Variants in MLPH observed in about 807,000 individuals in gnomAD.
The protein encoded by MLPH is melanophilin.
MLPH carries 51 observed loss-of-function variants against 72.1 expected under a neutral mutation model. That is an observed-to-expected ratio of 0.71 (90% confidence interval 0.56 to 0.89). MLPH has a LOEUF of 0.89. Ranked by LOEUF, MLPH falls within the 40% of genes least tolerant of loss-of-function variation. The pLI is 0.00. For synonymous variants in MLPH, 301 were observed against 310.1 expected (o/e 0.97, Z 0.31); for missense variants, 743 against 759.9 (o/e 0.98, Z 0.26).
intron 2 of MLPH, among the ~76,000 whole-genome samples, chr2:237,503,883 A>C (rs1574841689): frequency 1.3e-5 from 2 of 152,160 alleles, no homozygotes; most frequent in African/African-American, 4.8e-5. Flanking sequence ...GTGAGGCTAT[A>C]CAGAAATGGG....
intron 6 of MLPH, among the ~76,000 whole-genome samples, chr2:237,523,546 A>G (rs556934491): frequency 6.6e-6 from 1 of 152,330 alleles, no homozygotes; most frequent in African/African-American, 2.4e-5. Context: ...TGTTAGGTCC[A>G]CAATCTAATG....
intron 12 of MLPH, among the ~76,000 whole-genome samples, chr2:237,546,219 A>G (rs569070660): frequency 3.9e-5 from 6 of 152,260 alleles, no homozygotes; most frequent in Admixed American, 2.0e-4. Flanking sequence ...CTGCATTTTT[A>G]CAGAAGCGAT....
chr2:237,537,186 G>A (rs1350482911), intron 9 of MLPH, among the ~76,000 whole-genome samples: 2 of 152,186 alleles, frequency 1.3e-5, no homozygotes, highest in African/African-American at 2.4e-5. Context: ...GCTGTGTCCC[G>A]CCATGCTGGT....
chr2:237,540,555 C>A (rs752278983), intron 10 of MLPH, 22 bp downstream of exon 10: 48 of 1,603,808 alleles, frequency 3.0e-5, no homozygotes, highest in Non-Finnish European at 3.8e-5. Flanking sequence ...CCCCAGAGGT[C>A]TCAGCAGGAC....
At position 237,511,035 on chromosome 2, in the gene MLPH, G is replaced by A. The variant is rs1049210772; in HGVS notation, c.379G>A (p.Ala127Thr). 4 of 1,613,914 alleles carry A rather than the reference G, an allele frequency of 2.5e-6. No individual in the cohort carries two copies. In the African/African-American group the frequency reaches 4.0e-5, roughly 16 times the overall value. ...GGAGTGGTACTATGAGCATGTGAAA[G>A]CCCGCTTCAAGAGGTTCGGAAGTGC... ...SLEWYYEHVKARFKRFGSAKV... is the reference protein window; with the variant it reads ...SLEWYYEHVKTRFKRFGSAKV... Residue 127 changes from alanine (A) to threonine (T), a missense_variant, in exon 4 of 16, where the codon GCC (alanine) becomes ACC (threonine). Ala to Thr is a moderately conservative substitution (Grantham distance 58). Transcript: ENST00000264605.
chr2:237,519,058 C>G (rs1045343409), intron 5 of MLPH, among the ~76,000 whole-genome samples: 1 of 150,184 alleles, frequency 6.7e-6, no homozygotes, highest in African/African-American at 2.5e-5. Context: ...AAGACCTTTT[C>G]TCCTTCTGGG....
At position 237,540,391 on chromosome 2, in the gene MLPH, A is replaced by G; in HGVS notation, c.1148A>G (p.Glu383Gly). The change falls in exon 10 of 16, where the codon GAG becomes GGG. Residue 383 changes from glutamate (E) to glycine (G), a missense_variant. Glu to Gly is a moderately conservative substitution (Grantham distance 98, BLOSUM62 -2). Transcript: ENST00000264605. ...CGCACGGAGGCCGATGTAGAGGAGGAGGCCCTGAGGAGGAAGCTGGAGGAG... is the reference window on the plus strand; with the variant it reads ...CGCACGGAGGCCGATGTAGAGGAGGGGGCCCTGAGGAGGAAGCTGGAGGAG... ...GVRTEADVEE[E>G]ALRRKLEELT... 1 of 1,613,712 alleles carries G rather than the reference A, an allele frequency of 6.2e-7. No individual in the cohort carries two copies. Among genetic ancestry groups the G allele is most frequent in the African/African-American group, 1.3e-5 (1 of 75,016 alleles).
At chr2:237,489,705 C>T (rs566432093) in intron 1 of MLPH, among the ~76,000 whole-genome samples, 5 of 152,236 alleles carry the variant, frequency 3.3e-5, no homozygotes, top group East Asian at 1.9e-4. Flanking sequence ...TTTGCCCAGG[C>T]GAGTAATCAC....
Position 237,512,387 on chromosome 2 carries a change from C to T in MLPH, c.445+1286C>T, listed in dbSNP as rs2079923935. On this transcript the variant is annotated intron_variant, in intron 4 of 15. Transcript: ENST00000264605. This position sits in a 1 kb window ranked among gnomAD's most constrained non-coding sequence, Gnocchi z 5.5. Reference sequence around the variant, plus strand: ...ACGGAGAGGCACCGCTGGAGCAGTACACCGCACACCACAGGGTGGCTGCAC... The same window carrying T: ...ACGGAGAGGCACCGCTGGAGCAGTATACCGCACACCACAGGGTGGCTGCAC... 6.6e-6 allele frequency among the ~76,000 whole-genome samples: 1 copy of T among 152,212 alleles called. No homozygotes were observed. Among genetic ancestry groups the T allele is most frequent in the African/African-American group, 2.4e-5 (1 of 41,450 alleles).
At chr2:237,489,732 T>C (rs368555483) in intron 1 of MLPH, among the ~76,000 whole-genome samples, 66 of 152,140 alleles carry the variant, frequency 4.3e-4, no homozygotes, top group African/African-American at 1.5e-3. Flanking sequence ...TCACCATTGT[T>C]CCAAGGCTCC....
Position 237,510,810 on chromosome 2 carries a change from T to C in MLPH, c.332+15T>C. The C allele has an allele frequency of 6.2e-7, 1 of 1,612,638 alleles. No homozygotes were observed. Among genetic ancestry groups the C allele is most frequent in the Non-Finnish European group, 8.5e-7 (1 of 1,179,652 alleles). ...CATCTGGCCAGGTGAGCCCAGGCCT[T>C]GAGGTAAAATGACCTTGATAGTTTC... On this transcript the variant is annotated intron_variant, in intron 3 of 15. Transcript: ENST00000264605. The surrounding 1 kb of genome is among the most constrained non-coding windows in gnomAD (Gnocchi z 4.4).
chr2:237,543,081 G>T (rs2080757318), intron 12 of MLPH, among the ~76,000 whole-genome samples: 1 of 75,580 alleles, frequency 1.3e-5, no homozygotes. Context: ...TGAGTGGGGA[G>T]ACAGTGGTGA....
intron 5 of MLPH, 83 bp from the exon 6 acceptor site, chr2:237,519,827 G>A (rs2080139249): frequency 6.2e-7 from 1 of 1,601,074 alleles, no homozygotes; most frequent in Admixed American, 1.7e-5. Flanking sequence ...GGCTGAGTGT[G>A]GGGTTGGGGA....
chr2:237,545,464 A>G, intron 12 of MLPH: 1 of 1,288,436 alleles, frequency 7.8e-7, no homozygotes, highest in Non-Finnish European at 1.0e-6. Context: ...AAGGCTCTTT[A>G]TGAGGGGACT....
At chr2:237,517,289 G>A (rs1189337303) in intron 4 of MLPH, among the ~76,000 whole-genome samples, 1 of 150,944 alleles carries the variant, frequency 6.6e-6, no homozygotes, top group Non-Finnish European at 1.5e-5. Context: ...GTGGATGCAT[G>A]GATGCATGGA....
At chr2:237,533,390 C>CTT (rs746139615) in intron 8 of MLPH, among the ~76,000 whole-genome samples, 9,960 of 107,936 alleles carry the variant, frequency 0.092, 682 homozygotes, top group Non-Finnish European at 0.11. Context: ...ATTTTCTTTT[C>CTT]TTTTTTTTTT....
intron 12 of MLPH, chr2:237,545,383 C>A: frequency 8.4e-7 from 1 of 1,186,188 alleles, no homozygotes; most frequent in Non-Finnish European, 1.1e-6. Flanking sequence ...TGAGTTTCCT[C>A]ATAGCCAGTT....
intron 4 of MLPH, among the ~76,000 whole-genome samples, chr2:237,516,914 AGGATGGAT>A (rs1157566183): frequency 6.2e-4 from 74 of 119,228 alleles, no homozygotes; most frequent in Non-Finnish European, 1.0e-3. Context: ...GATGGATGGT[AGGATGGAT>A]GGATGGATGG....
Position 237,552,190 on chromosome 2 carries a change from T to C in MLPH, c.1676-147T>C, listed in dbSNP as rs151129509. 277 of 656,774 alleles carry C rather than the reference T, an allele frequency of 4.2e-4. No individual in the cohort carries two copies. The African/African-American group carries it at 4.5e-3, about 11-fold the overall frequency. 40.7% of individuals were successfully genotyped at this position (656,774 alleles called of 1,614,324 possible). ...GCATGACAGCTGAAATGTAAATACTTTTTAAAAAATATGTGATGTGGAAGC... is the reference window on the plus strand; with the variant it reads ...GCATGACAGCTGAAATGTAAATACTCTTTAAAAAATATGTGATGTGGAAGC... On this transcript the variant is annotated intron_variant, in intron 14 of 15. Coordinates refer to ENST00000264605, the MANE Select transcript of MLPH (RefSeq NM_024101.7).
Sources: allele counts gnomAD v4.1 joint callset (sites outside exome capture counted in the v4.1 genomes callset), GRCh38; gene constraint gnomAD v4.1.1; non-coding constraint Gnocchi (gnomAD v3.1); transcripts MANE v1.5; gene names NCBI Gene and HGNC (gene_info 2026-07-23, HGNC 2026-07-21).